PTPRD: variants seen among roughly 807,000 people sequenced by gnomAD.
The protein encoded by PTPRD is receptor-type tyrosine-protein phosphatase delta.
PTPRD carries 34 observed loss-of-function variants against 214.5 expected under a neutral mutation model. That is an observed-to-expected ratio of 0.16 (90% confidence interval 0.12 to 0.21). The LOEUF (loss-of-function observed/expected upper bound fraction) is 0.21, where lower values mean the gene tolerates loss of function less well. Among genes scored for constraint, PTPRD ranks in the 10% least tolerant of loss-of-function variants. The pLI, the probability that PTPRD is intolerant of heterozygous loss-of-function variation, is 1.00. For synonymous variants in PTPRD, 1,128 were observed against 845.7 expected, an observed-to-expected ratio of 1.33 and a Z score of -5.79; for missense variants, 2,545 against 2,398.7, an observed-to-expected ratio of 1.06 and a Z score of -1.27.
chr9:9,269,854 G>T (rs1387198239), intron 9 of PTPRD, among the ~76,000 whole-genome samples: 3 of 151,194 alleles, frequency 2.0e-5, no homozygotes, highest in African/African-American at 4.8e-5. Context: ...GAGGTTGGGG[G>T]TGGTTGGGGA....
intron 9 of PTPRD, among the ~76,000 whole-genome samples, chr9:9,245,870 G>A (rs983581836): frequency 5.3e-5 from 8 of 152,010 alleles, no homozygotes; most frequent in South Asian, 4.1e-4. Flanking sequence ...CACATATATA[G>A]ATATTATAGG....
At chr9:10,091,515 A>T (rs1233460422) in intron 3 of PTPRD, among the ~76,000 whole-genome samples, 1 of 151,566 alleles carries the variant, frequency 6.6e-6, no homozygotes, top group Non-Finnish European at 1.5e-5. Context: ...CCTAAAATAG[A>T]AATTTTAAAT....
chr9:8,833,539 A>ATT (rs149351483), intron 11 of PTPRD, among the ~76,000 whole-genome samples: 12 of 149,138 alleles, frequency 8.0e-5, no homozygotes, highest in African/African-American at 2.0e-4. Flanking sequence ...TCTTTTTTTC[A>ATT]TTTTTTTTTC....
chr9:8,376,649 C>T lies in PTPRD; in HGVS notation c.4464G>A (p.Val1488=), dbSNP rs372394810. The change falls in exon 38 of 46, where the codon GTG becomes GTA. Residue 1488 remains valine, a synonymous_variant. Coordinates refer to ENST00000381196, the MANE Select transcript of PTPRD (RefSeq NM_002839.4). ...GLVQVTLLDT[V]ELATYCVRTF... ...TTCGAACACAATATGTGGCCAGCTC[C>T]ACAGTATCAAGCAGCGTTACTTGAA... 196 of 1,612,946 alleles carry T rather than the reference C, an allele frequency of 1.2e-4. No individual in the cohort carries two copies. The highest frequency in any genetic ancestry group is 1.5e-4 in the Non-Finnish European group (176 of 1,179,356).
chr9:9,095,474 C>G (rs2099782131), intron 10 of PTPRD, among the ~76,000 whole-genome samples: 1 of 152,128 alleles, frequency 6.6e-6, no homozygotes, highest in African/African-American at 2.4e-5. Flanking sequence ...GCTGTGGAAT[C>G]AACACATTTG....
chr9:8,983,022 C>T (rs2099321333), intron 11 of PTPRD, among the ~76,000 whole-genome samples: 1 of 151,944 alleles, frequency 6.6e-6, no homozygotes, highest in South Asian at 2.1e-4. Flanking sequence ...ATACCATGTT[C>T]TATTACTCTT....
chr9:10,507,344 A>G (rs946902614), intron 2 of PTPRD, among the ~76,000 whole-genome samples: 1 of 152,182 alleles, frequency 6.6e-6, no homozygotes, highest in Non-Finnish European at 1.5e-5. Context: ...GGATAGGAAG[A>G]ATCAATATCA....
chr9:9,388,431 T>G (rs2064649297), intron 9 of PTPRD, among the ~76,000 whole-genome samples: 1 of 152,144 alleles, frequency 6.6e-6, no homozygotes, highest in Admixed American at 6.5e-5. Context: ...TTCCCAGCAC[T>G]AATGTATCAA....
intron 3 of PTPRD, among the ~76,000 whole-genome samples, chr9:10,146,167 A>ATATATATATG (rs1491051656): frequency 6.9e-6 from 1 of 144,922 alleles, no homozygotes; most frequent in Non-Finnish European, 1.5e-5. Context: ...ATATATATAT[A>ATATATATATG]TGTATATGCC....
intron 4 of PTPRD, among the ~76,000 whole-genome samples, chr9:10,029,946 A>T (rs775173196): frequency 1.3e-5 from 2 of 152,220 alleles, no homozygotes; most frequent in Middle Eastern, 3.4e-3. Flanking sequence ...GTAATTAATC[A>T]TGGGGGCGGG....
At chr9:9,504,721 T>A (rs551041016) in intron 8 of PTPRD, among the ~76,000 whole-genome samples, 23 of 151,690 alleles carry the variant, frequency 1.5e-4, no homozygotes, top group African/African-American at 5.5e-4. Flanking sequence ...TATCTCTATT[T>A]GTGAGATGAC....
At chr9:8,769,689 G>A (rs1003142962) in intron 11 of PTPRD, among the ~76,000 whole-genome samples, 2 of 151,874 alleles carry the variant, frequency 1.3e-5, no homozygotes, top group African/African-American at 2.4e-5. Flanking sequence ...GATGTCAGAA[G>A]GAAAGCAACT....
chr9:9,405,245 G>A (rs2072811344), intron 8 of PTPRD, among the ~76,000 whole-genome samples: 3 of 152,022 alleles, frequency 2.0e-5, no homozygotes, highest in Admixed American at 1.3e-4. Flanking sequence ...TGTAGTTGCA[G>A]CTTAATATTT....
At position 8,356,700 on chromosome 9, in the gene PTPRD, A is replaced by C. The variant is rs1046337591; in HGVS notation, c.4662-14722T>G. On this transcript the variant is annotated intron_variant, in intron 39 of 45. Coordinates refer to ENST00000381196, the MANE Select transcript of PTPRD (RefSeq NM_002839.4). ...ATTGACAGCTGTTTGTTCTGATAGAACTTAATTGCTCTTCTACCAGACTCA... is the reference window on the plus strand; with the variant it reads ...ATTGACAGCTGTTTGTTCTGATAGACCTTAATTGCTCTTCTACCAGACTCA... 8.5e-5 allele frequency among the ~76,000 whole-genome samples: 13 copies of C among 152,248 alleles called. No individual in the cohort carries two copies. The East Asian group carries it at 1.5e-3, about 18-fold the overall frequency.
chr9:9,370,292 A>T (rs1303814111), intron 9 of PTPRD, among the ~76,000 whole-genome samples: 1 of 152,006 alleles, frequency 6.6e-6, no homozygotes, highest in Non-Finnish European at 1.5e-5. Context: ...TTCCCTGAGC[A>T]GTGGTTTGTA....
chr9:10,165,810 G>A (rs1446560324), intron 3 of PTPRD, among the ~76,000 whole-genome samples: 1 of 150,788 alleles, frequency 6.6e-6, no homozygotes, highest in Non-Finnish European at 1.5e-5. Context: ...ACACCCATCT[G>A]AATATAATAT....
chr9:10,453,233 G>C (rs922140195), intron 2 of PTPRD, among the ~76,000 whole-genome samples: 1 of 151,362 alleles, frequency 6.6e-6, no homozygotes, highest in African/African-American at 2.4e-5. Context: ...TTGTAATATA[G>C]TTTGAAATCA....
At chr9:8,647,259 G>C (rs192464776) in intron 12 of PTPRD, among the ~76,000 whole-genome samples, 1 of 152,086 alleles carries the variant, frequency 6.6e-6, no homozygotes, top group African/African-American at 2.4e-5. Context: ...TAATTTTTAA[G>C]TAAAATGACT....
chr9:9,725,226 G>A (rs1208668508), intron 7 of PTPRD, among the ~76,000 whole-genome samples: 1 of 151,942 alleles, frequency 6.6e-6, no homozygotes, highest in Non-Finnish European at 1.5e-5. Context: ...TGAATCATGG[G>A]GGCAAGTCTT....
Sources: allele counts gnomAD v4.1 joint callset (sites outside exome capture counted in the v4.1 genomes callset), GRCh38; gene constraint gnomAD v4.1.1; transcripts MANE v1.5; gene names NCBI Gene and HGNC (gene_info 2026-07-23, HGNC 2026-07-21).